The following DPYD variants were observed in gnomAD, a reference collection of about 807,000 sequenced individuals.
DPYD encodes the protein dihydropyrimidine dehydrogenase [NADP(+)].
A neutral mutation model predicts 116.2 loss-of-function variants in DPYD; 109 were observed. That is an observed-to-expected ratio of 0.94 (90% CI 0.80 to 1.10). The LOEUF (loss-of-function observed/expected upper bound fraction) is 1.10. Ranked by LOEUF, DPYD falls within the 50% of genes least tolerant of loss-of-function variation. The probability of loss-of-function intolerance (pLI) is 0.00; values close to 1 mark genes in which losing one functional copy is unlikely to be tolerated. For synonymous variants in DPYD, 440 were observed against 432.0 expected (o/e 1.02, Z -0.23); for missense variants, 1,302 against 1,254.5 (o/e 1.04, Z -0.57).
chr1:97,143,906 A>T (rs1337731085), intron 20 of DPYD, among the ~76,000 whole-genome samples: 1 of 152,128 alleles, frequency 6.6e-6, no homozygotes, highest in Non-Finnish European at 1.5e-5. Flanking sequence ...ATGTGTCATC[A>T]AGAAGAGTTG....
chr1:97,647,256 A>G (rs1658317872), intron 8 of DPYD, among the ~76,000 whole-genome samples: 1 of 152,082 alleles, frequency 6.6e-6, no homozygotes, highest in African/African-American at 2.4e-5. Context: ...ATAAAAATTT[A>G]AATACACATA....
At chr1:97,713,986 TTAG>T (rs1238424128) in intron 5 of DPYD, among the ~76,000 whole-genome samples, 2 of 152,100 alleles carry the variant, frequency 1.3e-5, no homozygotes, top group Non-Finnish European at 1.5e-5. Context: ...GCTATATATA[TTAG>T]TAATTTTTCA....
intron 13 of DPYD, among the ~76,000 whole-genome samples, chr1:97,509,277 A>AC (rs1647601940): frequency 6.6e-6 from 1 of 152,030 alleles, no homozygotes; most frequent in African/African-American, 2.4e-5. Flanking sequence ...ACAAAATATA[A>AC]AACATGTGGC....
chr1:97,313,049 G>A (rs569776035), intron 16 of DPYD, among the ~76,000 whole-genome samples: 9 of 151,890 alleles, frequency 5.9e-5, no homozygotes, highest in Non-Finnish European at 7.4e-5. Context: ...AATGAAACTA[G>A]AGTCTGCAAG....
chr1:97,120,285 CTCT>C lies in DPYD; in HGVS notation c.2623-21656_2623-21654del, dbSNP rs533418775. Among the ~76,000 whole-genome samples, 15 of 152,216 alleles carry C rather than the reference CTCT, an allele frequency of 9.9e-5. No individual in the cohort carries two copies. In the East Asian group the frequency reaches 2.9e-3, roughly 29 times the overall value. On this transcript the variant is annotated intron_variant, in intron 20 of 22. Transcript: ENST00000370192. ...TTCCTCAATGAGGTTTCATCTTAAT[CTCT>C]TCTTTTCAAAAGGATATGAATTGAA...
chr1:97,306,287 A>G lies in DPYD; in HGVS notation c.2069T>C (p.Leu690Pro). 1.2e-6 allele frequency: 2 copies of G among 1,612,330 alleles called. No homozygotes were observed. The highest frequency in any genetic ancestry group is 1.1e-5 in the South Asian group (1 of 91,076). ...AACCCAGCGGCAGATGTTCCGCACC[A>G]GCTCTGGATCCTGTTCAAATAGGTC... The part of the protein sequence containing the change: ...MGLACGQDPE[L>P]VRNICRWVRQ... The change falls in exon 17 of 23, where the codon CTG becomes CCG. Residue 690 changes from leucine (L) to proline (P), a missense_variant. Physicochemically the swap from Leu to Pro is moderately conservative, Grantham distance 98. Coordinates refer to ENST00000370192, the MANE Select transcript of DPYD (RefSeq NM_000110.4).
intron 16 of DPYD, among the ~76,000 whole-genome samples, chr1:97,344,132 AAG>A (rs1669720156): frequency 6.6e-6 from 1 of 151,900 alleles, no homozygotes; most frequent in South Asian, 2.1e-4. Context: ...ACCCTAGATT[AAG>A]TAAATGAATT....
intron 16 of DPYD, among the ~76,000 whole-genome samples, chr1:97,338,934 TAATG>T (rs1669446717): frequency 1.3e-5 from 2 of 152,130 alleles, no homozygotes; most frequent in African/African-American, 2.4e-5. Flanking sequence ...AAGGAAGAGC[TAATG>T]AATGAGACAG....
intron 3 of DPYD, among the ~76,000 whole-genome samples, chr1:97,790,442 T>G (rs1290137626): frequency 6.6e-6 from 1 of 152,200 alleles, no homozygotes; most frequent in Non-Finnish European, 1.5e-5. Flanking sequence ...TAGAGAGAAC[T>G]GATTTTCTAC....
chr1:97,740,160 T>C (rs550346365), intron 4 of DPYD, among the ~76,000 whole-genome samples: 1 of 152,138 alleles, frequency 6.6e-6, no homozygotes, highest in Non-Finnish European at 1.5e-5. Flanking sequence ...AAATCATTCA[T>C]TTTAACACAA....
chr1:97,398,922 T>C (rs1673178799), intron 14 of DPYD, among the ~76,000 whole-genome samples: 1 of 152,166 alleles, frequency 6.6e-6, no homozygotes, highest in Non-Finnish European at 1.5e-5. Context: ...TGGTAGTTTC[T>C]TTTGCTGTGC....
chr1:97,144,364 T>C (rs963187396), intron 20 of DPYD, among the ~76,000 whole-genome samples: 3 of 152,196 alleles, frequency 2.0e-5, no homozygotes, highest in Admixed American at 6.5e-5. Context: ...AAGGTAAAAT[T>C]ACAGTCCCCA....
intron 14 of DPYD, among the ~76,000 whole-genome samples, chr1:97,411,298 C>G (rs1275138258): frequency 1.3e-5 from 2 of 152,130 alleles, no homozygotes. Flanking sequence ...AATGAATAAG[C>G]TAATGATCCT....
chr1:97,771,654 T>C (rs1317267758), intron 3 of DPYD, among the ~76,000 whole-genome samples: 1 of 152,210 alleles, frequency 6.6e-6, no homozygotes, highest in African/African-American at 2.4e-5. Context: ...GATGAATGCA[T>C]TAATCTTCTT....
intron 13 of DPYD, among the ~76,000 whole-genome samples, chr1:97,506,671 T>C (rs1445661377): frequency 6.6e-6 from 1 of 151,986 alleles, no homozygotes; most frequent in Non-Finnish European, 1.5e-5. Context: ...TTGTCCACTC[T>C]ACCAAAATGA....
intron 19 of DPYD, among the ~76,000 whole-genome samples, chr1:97,195,876 G>A (rs1160692867): frequency 6.6e-6 from 1 of 151,096 alleles, no homozygotes; most frequent in African/African-American, 2.4e-5. Flanking sequence ...GAATATCAGA[G>A]CTGGAAGCGA....
chr1:97,829,649 C>T (rs1409367134), intron 2 of DPYD, among the ~76,000 whole-genome samples: 1 of 151,940 alleles, frequency 6.6e-6, no homozygotes, highest in African/African-American at 2.4e-5. Flanking sequence ...TGATTGAGAC[C>T]ATTAAGAAAA....
chr1:97,605,452 C>A (rs1238408013), intron 8 of DPYD, among the ~76,000 whole-genome samples: 3 of 152,022 alleles, frequency 2.0e-5, no homozygotes, highest in African/African-American at 7.2e-5. Flanking sequence ...CCTGCTGGCA[C>A]TCACTCCGTC....
At chr1:97,261,477 A>G (rs1347199159) in intron 18 of DPYD, among the ~76,000 whole-genome samples, 2 of 148,162 alleles carry the variant, frequency 1.3e-5, no homozygotes, top group Non-Finnish European at 3.0e-5. Flanking sequence ...TGAGAAAATG[A>G]TAAAAGACTA....
Sources: allele counts gnomAD v4.1 joint callset (sites outside exome capture counted in the v4.1 genomes callset), GRCh38; gene constraint gnomAD v4.1.1; transcripts MANE v1.5; gene names NCBI Gene and HGNC (gene_info 2026-07-23, HGNC 2026-07-21).